NCAM2: variants seen among roughly 807,000 people sequenced by gnomAD.
The protein encoded by NCAM2 is neural cell adhesion molecule 2, also known as N-CAM-2.
Under a neutral mutation model 98.1 loss-of-function variants are expected in NCAM2, and 30 were observed. The ratio of observed to expected loss-of-function variants is 0.31; its 90% CI spans 0.23 to 0.41. The LOEUF (loss-of-function observed/expected upper bound fraction) is 0.41, where lower values mean the gene tolerates loss of function less well. Ranked by LOEUF, NCAM2 falls within the 10% of genes least tolerant of loss-of-function variation. The pLI, the probability that NCAM2 is intolerant of heterozygous loss-of-function variation, is 1.00. For missense variants in NCAM2, 867 were observed against 1,005.8 expected (o/e 0.86, Z 1.87); for synonymous variants, 368 against 342.4 (o/e 1.07, Z -0.83).
At chr21:21,499,716 A>G (rs1168544659) in intron 15 of NCAM2, among the ~76,000 whole-genome samples, 7 of 152,186 alleles carry the variant, frequency 4.6e-5, no homozygotes, top group Non-Finnish European at 7.3e-5. Context: ...AAATAATAAC[A>G]TATGTATATA....
At chr21:21,044,107 A>G (rs2064962615) in intron 1 of NCAM2, among the ~76,000 whole-genome samples, 1 of 152,120 alleles carries the variant, frequency 6.6e-6, no homozygotes, top group Admixed American at 6.5e-5. Flanking sequence ...AAACATACTA[A>G]TACATTTTAC....
rs186276068 is a variant in NCAM2 at position 21,076,315 on chromosome 21, C to T, written c.55+77697C>T. 1.7e-3 allele frequency among the ~76,000 whole-genome samples: 262 copies of T among 152,128 alleles called. 2 individuals carry two copies. The highest frequency in any genetic ancestry group is 6.2e-3 in the African/African-American group (258 of 41,522). On this transcript the variant is annotated intron_variant, in intron 1 of 17. Coordinates refer to ENST00000400546, the MANE Select transcript of NCAM2 (RefSeq NM_004540.5). ...TAATTTACTAAAAAATAAACTTAAA[C>T]AAAAAGCATGTTCTTCAGTTTCTGT...
At chr21:21,164,517 A>G (rs2067889143) in intron 1 of NCAM2, among the ~76,000 whole-genome samples, 1 of 152,186 alleles carries the variant, frequency 6.6e-6, no homozygotes, top group Non-Finnish European at 1.5e-5. Flanking sequence ...CTTTGGTCAG[A>G]TGACAGAAGT....
At chr21:21,058,920 G>A (rs181917532) in intron 1 of NCAM2, among the ~76,000 whole-genome samples, 75 of 151,840 alleles carry the variant, frequency 4.9e-4, no homozygotes, top group African/African-American at 1.5e-3. Context: ...TGCTTTTTTC[G>A]AAGGACTATC....
At chr21:21,053,311 C>A (rs1386375693) in intron 1 of NCAM2, among the ~76,000 whole-genome samples, 1 of 151,926 alleles carries the variant, frequency 6.6e-6, no homozygotes, top group African/African-American at 2.4e-5. Flanking sequence ...TTCTCTAATT[C>A]CAATATTTTC....
rs544972070 is a variant in NCAM2 at position 21,146,196 on chromosome 21, T to G, written c.56-134382T>G. The stretch of plus-strand genomic sequence containing the variant: ...ATAATATTGGTTACTGAGTAAAATA[T>G]TTTAAAATATTATAGTTCATACAAA... On this transcript the variant is annotated intron_variant, in intron 1 of 17. Transcript: ENST00000400546. Among the ~76,000 whole-genome samples the G allele has an allele frequency of 5.1e-4, 78 of 152,252 alleles. 3 individuals carry two copies. The East Asian group carries it at 0.014, about 27-fold the overall frequency.
chr21:21,024,431 G>A (rs1291992683), intron 1 of NCAM2, among the ~76,000 whole-genome samples: 2 of 152,112 alleles, frequency 1.3e-5, no homozygotes, highest in African/African-American at 2.4e-5. Context: ...TATAAAACAT[G>A]CAAACTATTT....
At position 21,539,006 on chromosome 21, in the gene NCAM2, T is replaced by C. The variant is rs567417085; in HGVS notation, c.*1049T>C. On this transcript the variant is annotated 3_prime_UTR_variant, in exon 18 of 18. Transcript: ENST00000400546. ...AAGGTTGACTAAATTAAGAAGAAATTATTTAACATTTTAATGTGCCATAAA... is the reference window on the plus strand; with the variant it reads ...AAGGTTGACTAAATTAAGAAGAAATCATTTAACATTTTAATGTGCCATAAA... 3.3e-5 allele frequency: 5 copies of C among 152,156 alleles called. No individual in the cohort carries two copies. Among genetic ancestry groups the C allele is most frequent in the Admixed American group, 6.6e-5 (1 of 15,262 alleles). 9.4% of individuals were successfully genotyped at this position (152,156 alleles called of 1,614,324 possible).
chr21:21,443,346 G>A (rs34581696), intron 12 of NCAM2, among the ~76,000 whole-genome samples: 60,552 of 151,874 alleles, frequency 0.4, 13,541 homozygotes, highest in Middle Eastern at 0.51. Flanking sequence ...GATGGGTGCA[G>A]CAAACCAACA....
intron 6 of NCAM2, among the ~76,000 whole-genome samples, chr21:21,324,836 G>T (rs1471375755): frequency 6.6e-6 from 1 of 151,912 alleles, no homozygotes; most frequent in Non-Finnish European, 1.5e-5. Flanking sequence ...TGATATTCTA[G>T]TGTTATTGAC....
intron 1 of NCAM2, among the ~76,000 whole-genome samples, chr21:21,178,321 CAG>C (rs2068360447): frequency 6.6e-6 from 1 of 152,100 alleles, no homozygotes; most frequent in South Asian, 2.1e-4. Flanking sequence ...GAATTTGAGA[CAG>C]AGCAATGACT....
intron 16 of NCAM2, among the ~76,000 whole-genome samples, chr21:21,516,723 G>T (rs1404467934): frequency 6.6e-6 from 1 of 151,632 alleles, no homozygotes; most frequent in Non-Finnish European, 1.5e-5. Flanking sequence ...TTTGGCTTAT[G>T]CTTCACTAAA....
chr21:21,527,980 G>T (rs1055500303), intron 16 of NCAM2, among the ~76,000 whole-genome samples: 12 of 152,132 alleles, frequency 7.9e-5, no homozygotes, highest in African/African-American at 2.4e-4. Context: ...ATAAACTGTG[G>T]TAGATCCCAG....
At chr21:21,057,743 A>G (rs1354915291) in intron 1 of NCAM2, among the ~76,000 whole-genome samples, 2 of 152,128 alleles carry the variant, frequency 1.3e-5, no homozygotes, top group African/African-American at 4.8e-5. Flanking sequence ...GGATAATAAA[A>G]TGAAATTACG....
At chr21:21,340,198 A>C (rs1183844804) in intron 8 of NCAM2, among the ~76,000 whole-genome samples, 1 of 151,916 alleles carries the variant, frequency 6.6e-6, no homozygotes, top group Admixed American at 6.6e-5. Flanking sequence ...CTTAGACTTT[A>C]TCATACCTTC....
At chr21:21,301,290 C>T (rs181325757) in intron 5 of NCAM2, among the ~76,000 whole-genome samples, 47 of 151,844 alleles carry the variant, frequency 3.1e-4, no homozygotes, top group Admixed American at 3.0e-3. Context: ...TCTGGGGACT[C>T]AGCCAAAAAT....
intron 3 of NCAM2, 65 bp downstream of exon 3, chr21:21,284,465 T>A: frequency 8.0e-7 from 1 of 1,243,252 alleles, no homozygotes; most frequent in Non-Finnish European, 1.2e-6. Context: ...ACCGAAAAAA[T>A]AAAATGTTTG....
At chr21:21,391,205 T>C (rs1400146818) in intron 9 of NCAM2, among the ~76,000 whole-genome samples, 1 of 152,018 alleles carries the variant, frequency 6.6e-6, no homozygotes, top group Non-Finnish European at 1.5e-5. Flanking sequence ...ATAGTAATAA[T>C]AGAAATAATA....
chr21:21,103,840 CTT>C lies in NCAM2; in HGVS notation c.55+105223_55+105224del, dbSNP rs1010761846. ...TCATTTTGTTTTTGTGTGTTAATGA[CTT>C]ATTTATTATCGATACATCTTGATGA... On this transcript the variant is annotated intron_variant, in intron 1 of 17. Coordinates refer to ENST00000400546, the MANE Select transcript of NCAM2 (RefSeq NM_004540.5). 1.1e-3 allele frequency among the ~76,000 whole-genome samples: 165 copies of C among 152,004 alleles called. 3 individuals are homozygous for C. Among genetic ancestry groups the C allele is most frequent in the Non-Finnish European group, 1.5e-5 (1 of 67,982 alleles).
Sources: allele counts gnomAD v4.1 joint callset (sites outside exome capture counted in the v4.1 genomes callset), GRCh38; gene constraint gnomAD v4.1.1; transcripts MANE v1.5; gene names NCBI Gene and HGNC (gene_info 2026-07-23, HGNC 2026-07-21).